The following OTOF variants were observed in gnomAD, a reference collection of about 807,000 sequenced individuals.
OTOF encodes the protein otoferlin.
OTOF carries 218 observed loss-of-function variants against 236.8 expected under a neutral mutation model. The ratio of observed to expected loss-of-function variants is 0.92; its 90% CI spans 0.82 to 1.03. The LOEUF is 1.03. Ranked by LOEUF, OTOF falls within the 50% of genes least tolerant of loss-of-function variation. OTOF has a pLI of 0.00. For synonymous variants in OTOF, 1,041 were observed against 1,072.5 expected (o/e 0.97, Z 0.57); for missense variants, 2,590 against 2,694.4 (o/e 0.96, Z 0.86).
intron 2 of OTOF, among the ~76,000 whole-genome samples, chr2:26,534,018 G>A (rs1443244403): frequency 6.6e-6 from 1 of 152,106 alleles, no homozygotes; most frequent in Admixed American, 6.5e-5. Context: ...GGGTCCATCT[G>A]CCCGCTAGAC....
chr2:26,519,730 T>C (rs895570579), intron 3 of OTOF, among the ~76,000 whole-genome samples: 1 of 152,148 alleles, frequency 6.6e-6, no homozygotes, highest in Non-Finnish European at 1.5e-5. Context: ...GCTACCTGCT[T>C]CCTGGGCAAC....
chr2:26,476,333 G>A lies in OTOF; in HGVS notation c.2677-16C>T. ...TCCCTGGCAGCTGGGGGTGGGCATG[G>A]GGTCACCAGGAGCCTGACGGCTGCC... On this transcript the variant is annotated splice_polypyrimidine_tract_variant and intron_variant, in intron 22 of 46. Coordinates refer to ENST00000272371, the MANE Select transcript of OTOF (RefSeq NM_194248.3). 6.3e-7 allele frequency: 1 copy of A among 1,599,356 alleles called. No individual in the cohort carries two copies. Among genetic ancestry groups the A allele is most frequent in the Non-Finnish European group, 8.5e-7 (1 of 1,179,180 alleles).
In OTOF at chr2:26,503,795, T is replaced by C. The variant is rs995739278; in HGVS notation, c.560A>G (p.His187Arg). The C allele has an allele frequency of 2.5e-6, 4 of 1,614,024 alleles. No individual in the cohort carries two copies. The Admixed American group carries it at 5.0e-5, about 20-fold the overall frequency. The change falls in exon 6 of 47, where the codon CAC becomes CGC. Residue 187 changes from histidine to arginine, a missense_variant. Coordinates refer to ENST00000272371, the MANE Select transcript of OTOF (RefSeq NM_194248.3). ...ACCTGGTCTTTGGGGCTCCTCCTTG[T>C]GAGACCGGTTTTTGCCGAGCTTCAT... Reference protein sequence around the residue: ...SAMKLGKNRSHKEEPQRPDEP... With the variant: ...SAMKLGKNRSRKEEPQRPDEP...
At chr2:26,538,026 C>A (rs1048247231) in intron 1 of OTOF, among the ~76,000 whole-genome samples, 1 of 152,180 alleles carries the variant, frequency 6.6e-6, no homozygotes, top group Non-Finnish European at 1.5e-5. Flanking sequence ...AATGCTAAGG[C>A]ACAGAAGGCC....
At chr2:26,541,698 C>T (rs536937833) in intron 1 of OTOF, among the ~76,000 whole-genome samples, 169 of 152,318 alleles carry the variant, frequency 1.1e-3, no homozygotes, top group African/African-American at 3.8e-3. Flanking sequence ...CTCCATTCAG[C>T]GTCAGTCTTG....
chr2:26,512,108 G>C (rs1666406427), intron 5 of OTOF, among the ~76,000 whole-genome samples: 1 of 152,164 alleles, frequency 6.6e-6, no homozygotes, highest in East Asian at 1.9e-4. Context: ...ACTCCTCCCA[G>C]ATGAGACCCA....
At chr2:26,472,149 CCA>C (rs952977821) in intron 30 of OTOF, among the ~76,000 whole-genome samples, 6 of 151,008 alleles carry the variant, frequency 4.0e-5, no homozygotes, top group African/African-American at 1.2e-4. Flanking sequence ...TGCACATACC[CCA>C]CATACATGCA....
intron 12 of OTOF, 61 bp downstream of exon 12, chr2:26,484,413 G>A: frequency 1.3e-6 from 2 of 1,588,750 alleles, no homozygotes; most frequent in Non-Finnish European, 8.6e-7. Context: ...CCTCACCGGG[G>A]GCTCCCTGGG....
intron 1 of OTOF, among the ~76,000 whole-genome samples, chr2:26,552,638 G>T (rs763142128): frequency 6.6e-6 from 1 of 152,152 alleles, no homozygotes; most frequent in Non-Finnish European, 1.5e-5. Flanking sequence ...TCTGCCCTTC[G>T]CTGGTGTGCA....
At chr2:26,475,640 A>G in intron 24 of OTOF, 147 bp from the exon 25 acceptor site, 2 of 1,004,742 alleles carry the variant, frequency 2.0e-6, no homozygotes, top group South Asian at 3.0e-5. Flanking sequence ...CTTAAAATCA[A>G]GGCTAATATG....
In OTOF at chr2:26,476,945, G is replaced by T; in HGVS notation, c.2622C>A (p.Ile874=). The change falls in exon 22 of 47, where the codon ATC becomes ATA. Residue 874 remains isoleucine (I), a synonymous_variant. Coordinates refer to ENST00000272371, the MANE Select transcript of OTOF (RefSeq NM_194248.3). ...RVPSKDLLFS[I]VEEETGKDCA... Reference sequence around the variant, plus strand: ...AGTCCTTGCCAGTCTCCTCCTCCACGATGGAGAAGAGCAGGTCCTTGGAGG... The same window carrying T: ...AGTCCTTGCCAGTCTCCTCCTCCACTATGGAGAAGAGCAGGTCCTTGGAGG... 1 of 1,611,134 alleles carries T rather than the reference G, an allele frequency of 6.2e-7. No homozygotes were observed. Among genetic ancestry groups the T allele is most frequent in the Non-Finnish European group, 8.5e-7 (1 of 1,179,302 alleles).
intron 3 of OTOF, among the ~76,000 whole-genome samples, chr2:26,522,063 TC>T (rs1393888396): frequency 6.6e-6 from 1 of 152,162 alleles, no homozygotes; most frequent in South Asian, 2.1e-4. Context: ...GTGCACAGCC[TC>T]GCACAGCCAG....
intron 46 of OTOF, among the ~76,000 whole-genome samples, chr2:26,459,305 C>T (rs563398303): frequency 6.6e-6 from 1 of 152,260 alleles, no homozygotes; most frequent in Non-Finnish European, 1.5e-5. Context: ...GTAATCCCAG[C>T]ACTTTGGGAG....
chr2:26,479,779 T>C (rs1173944743), intron 16 of OTOF, 126 bp from the exon 17 acceptor site: 24 of 866,150 alleles, frequency 2.8e-5, no homozygotes, highest in Non-Finnish European at 4.0e-5. Context: ...GGCTCAGACG[T>C]GACACATCAT....
At position 26,474,972 on chromosome 2, in the gene OTOF, G is replaced by A. The variant is rs554903690; in HGVS notation, c.3127-298C>T. ...GAGAAGGTGGCTCGCTAACTCTCGG[G>A]GGTCACCCCAATCCCTTACTCCCTG... On this transcript the variant is annotated intron_variant, in intron 25 of 46. Coordinates refer to ENST00000272371, the MANE Select transcript of OTOF (RefSeq NM_194248.3). Among the ~76,000 whole-genome samples, 389 of 151,198 alleles carry A rather than the reference G, an allele frequency of 2.6e-3. 1 individual carries two copies. Among genetic ancestry groups the A allele is most frequent in the African/African-American group, 9.1e-3 (374 of 41,172 alleles).
intron 2 of OTOF, among the ~76,000 whole-genome samples, chr2:26,533,055 G>A (rs1357450824): frequency 3.9e-5 from 6 of 152,302 alleles, no homozygotes; most frequent in African/African-American, 1.2e-4. Flanking sequence ...GAGGTGAGCC[G>A]CGGGTGAGCG....
At chr2:26,540,532 C>G (rs895380864) in intron 1 of OTOF, among the ~76,000 whole-genome samples, 1 of 152,194 alleles carries the variant, frequency 6.6e-6, no homozygotes, top group Non-Finnish European at 1.5e-5. Flanking sequence ...GGGAACTGAC[C>G]TCTCTCCTCT....
At chr2:26,510,390 C>T (rs201251503) in intron 5 of OTOF, among the ~76,000 whole-genome samples, 3 of 152,074 alleles carry the variant, frequency 2.0e-5, no homozygotes, top group East Asian at 1.9e-4. Context: ...CAGGGAAGCC[C>T]GAAGGCCACA....
intron 2 of OTOF, among the ~76,000 whole-genome samples, chr2:26,531,453 C>T (rs944664570): frequency 6.6e-6 from 1 of 152,160 alleles, no homozygotes; most frequent in African/African-American, 2.4e-5. Context: ...TCACAGGTGA[C>T]AGCAGTCGTA....
Sources: gnomAD v4.1 joint callset for allele counts (sites outside exome capture counted in the v4.1 genomes callset) on GRCh38, gnomAD v4.1.1 for gene constraint, MANE v1.5 for transcripts, NCBI Gene and HGNC (gene_info 2026-07-23, HGNC 2026-07-21) for gene names.